The following EXD1 variants were observed in gnomAD, a reference collection of about 807,000 sequenced individuals.
EXD1 encodes the protein exonuclease 3'-5' domain containing 1, also known as piRNA biogenesis protein EXD1.
Under a neutral mutation model 49.1 loss-of-function variants are expected in EXD1, and 63 were observed. The ratio of observed to expected loss-of-function variants is 1.28; its 90% CI spans 1.05 to 1.58. EXD1 has a LOEUF of 1.58. Ranked by LOEUF, EXD1 falls within the 40% of genes most tolerant of loss-of-function variation. The pLI, the probability that EXD1 is intolerant of heterozygous loss-of-function variation, is 0.00. For missense variants in EXD1, 748 were observed against 666.0 expected (o/e 1.12, Z -1.36); for synonymous variants, 234 against 239.2 (o/e 0.98, Z 0.20).
At position 41,229,936 on chromosome 15, in the gene EXD1, G is replaced by T. The variant is rs544100051; in HGVS notation, c.-54+543C>A. Among the ~76,000 whole-genome samples, 6 of 152,152 alleles carry T rather than the reference G, an allele frequency of 3.9e-5. No homozygotes were observed. In the South Asian group the frequency reaches 1.2e-3, roughly 32 times the overall value. On this transcript the variant is annotated intron_variant, in intron 1 of 11. Coordinates refer to ENST00000458580, the MANE Select transcript of EXD1 (RefSeq NM_001286441.2). The stretch of plus-strand genomic sequence containing the variant: ...AGCCTGCTACGACAAAAATATCCTG[G>T]TACTTGGGTACTAACAGCAGTCAGA...
chr15:41,196,055 G>A lies in EXD1; in HGVS notation c.535-18C>T. 1.9e-6 allele frequency: 3 copies of A among 1,583,596 alleles called. No homozygotes were observed. Among genetic ancestry groups the A allele is most frequent in the Non-Finnish European group, 2.6e-6 (3 of 1,159,832 alleles). On this transcript the variant is annotated intron_variant, in intron 7 of 11. Coordinates refer to ENST00000458580, the MANE Select transcript of EXD1 (RefSeq NM_001286441.2). ...GTGGCCACCTACAATAGACCATCCA[G>A]ACACACATACCATAGGATAAGAAAG... is the stretch of plus-strand genomic sequence containing the variant.
chr15:41,186,095 G>A (rs986451161), intron 11 of EXD1, among the ~76,000 whole-genome samples: 1 of 152,036 alleles, frequency 6.6e-6, no homozygotes, highest in African/African-American at 2.4e-5. Flanking sequence ...CCTGATATTA[G>A]TGTTCTCAAA....
intron 1 of EXD1, among the ~76,000 whole-genome samples, chr15:41,229,139 C>T (rs16971693): frequency 0.29 from 44,271 of 152,012 alleles, 9,040 homozygotes; most frequent in African/African-American, 0.58. Context: ...TTACTGAGTA[C>T]AAAGGACAAC....
At chr15:41,195,716 C>A in intron 9 of EXD1, 59 bp downstream of exon 9, 1 of 1,334,700 alleles carries the variant, frequency 7.5e-7, no homozygotes, top group Non-Finnish European at 1.0e-6. Flanking sequence ...ACCAGATGAG[C>A]CCTTTTATCT....
intron 9 of EXD1, among the ~76,000 whole-genome samples, chr15:41,192,528 C>T (rs1228150149): frequency 6.7e-6 from 1 of 149,236 alleles, no homozygotes. Context: ...ATCTCTTGAC[C>T]TCGTGATCCG....
Position 41,226,590 on chromosome 15 carries a change from A to C in EXD1, c.-15T>G. 6.5e-7 allele frequency: 1 copy of C among 1,530,456 alleles called. No individual in the cohort carries two copies. The highest frequency in any genetic ancestry group is 1.2e-5 in the South Asian group (1 of 82,586). The allele number at this position is 1,530,456 out of a possible 1,614,324, so 94.8% of individuals were successfully genotyped here. ...CTGGGGTCCATGCTAATTGATTCCA[A>C]AAGCCGTCTTCAAATAATCTTCTTT... On this transcript the variant is annotated 5_prime_UTR_variant, in exon 2 of 12. Coordinates refer to ENST00000458580, the MANE Select transcript of EXD1 (RefSeq NM_001286441.2).
Position 41,230,648 on chromosome 15 carries a change from C to G in EXD1, c.-223G>C. ...AGAAGTCTCGGGACGCTCCACGCCA[C>G]CCGGCGGCGGTTATCAAATCACAGG... On this transcript the variant is annotated 5_prime_UTR_variant, in exon 1 of 12. Transcript: ENST00000458580. The G allele has an allele frequency of 7.8e-7, 1 of 1,282,608 alleles. No individual in the cohort carries two copies. The highest frequency in any genetic ancestry group is 1.1e-6 in the Non-Finnish European group (1 of 913,310). 79.5% of individuals were successfully genotyped at this position (1,282,608 alleles called of 1,614,324 possible).
In EXD1 at chr15:41,208,985, C is replaced by CT. The variant is rs200100560; in HGVS notation, c.534+515dup. 4.0e-3 allele frequency among the ~76,000 whole-genome samples: 513 copies of CT among 129,424 alleles called. 3 individuals are homozygous for CT. The highest frequency in any genetic ancestry group is 0.019 in the African/African-American group (487 of 25,602). The allele number at this position is 129,424 out of a possible 152,430, so 84.9% of individuals were successfully genotyped here. A position where few individuals can be genotyped will look rare whatever the true frequency, so the allele number is the denominator to read the frequency against. ...CAGCGAACCTATTCTTGCTACTGAGCTTAAAAAAAAAAACAAAGTGAATCT... is the reference window on the plus strand; with the variant it reads ...CAGCGAACCTATTCTTGCTACTGAGCTTTAAAAAAAAAAACAAAGTGAATCT... On this transcript the variant is annotated intron_variant, in intron 7 of 11. Transcript: ENST00000458580.
At chr15:41,224,706 C>A (rs576446481) in intron 2 of EXD1, among the ~76,000 whole-genome samples, 1 of 152,194 alleles carries the variant, frequency 6.6e-6, no homozygotes, top group Non-Finnish European at 1.5e-5. Context: ...CACCTATAAA[C>A]CTAGCATTTT....
At chr15:41,186,489 A>AAAAAAAAAAAAAC (rs2046410338) in intron 11 of EXD1, among the ~76,000 whole-genome samples, 1 of 143,310 alleles carries the variant, frequency 7.0e-6, no homozygotes, top group African/African-American at 2.5e-5. Context: ...AAAAAAAAAA[A>AAAAAAAAAAAAAC]TCAGAAAAAA....
chr15:41,222,151 A>C (rs1284720423), intron 2 of EXD1, among the ~76,000 whole-genome samples: 1 of 151,940 alleles, frequency 6.6e-6, no homozygotes, highest in African/African-American at 2.4e-5. Flanking sequence ...ACGGTGGCTC[A>C]TGCCTGTAAT....
At chr15:41,206,407 T>G (rs1285244764) in intron 7 of EXD1, among the ~76,000 whole-genome samples, 1 of 142,066 alleles carries the variant, frequency 7.0e-6, no homozygotes, top group African/African-American at 2.6e-5. Context: ...GAGGCAGAGA[T>G]GCAGTACAGT....
Position 41,185,108 on chromosome 15 carries a change from T to C in EXD1, c.1057-515A>G, listed in dbSNP as rs547972356. Among the ~76,000 whole-genome samples the C allele has an allele frequency of 1.1e-4, 16 of 152,328 alleles. No individual in the cohort carries two copies. In the South Asian group the frequency reaches 3.1e-3, roughly 30 times the overall value. On this transcript the variant is annotated intron_variant, in intron 11 of 11. Transcript: ENST00000458580. ...AAGGCAGTGAATCCATAGGGCTGTG[T>C]GTCTCTGTGTGTATGCACGTATGTA...
intron 9 of EXD1, among the ~76,000 whole-genome samples, chr15:41,192,669 C>T (rs969726736): frequency 2.9e-4 from 38 of 131,872 alleles, no homozygotes; most frequent in Admixed American, 5.2e-4. Flanking sequence ...GGATGGAGTA[C>T]AACGCCACAA....
intron 3 of EXD1, 147 bp from the exon 4 acceptor site, chr15:41,217,301 C>T (rs1180944826): frequency 4.7e-6 from 3 of 639,874 alleles, no homozygotes; most frequent in Non-Finnish European, 5.4e-6. Context: ...TACTGGCCAG[C>T]AATAAATACA....
In EXD1 at chr15:41,206,869, C is replaced by A. The variant is rs1281994065; in HGVS notation, c.534+2632G>T. 4.1e-5 allele frequency among the ~76,000 whole-genome samples: 6 copies of A among 147,560 alleles called. No individual in the cohort carries two copies. In the Admixed American group the frequency reaches 4.1e-4, roughly 10 times the overall value. On this transcript the variant is annotated intron_variant, in intron 7 of 11. Transcript: ENST00000458580. ...ACCCCTGACCTTGTGATCTGCCCAC[C>A]GTAGCCTCCCAAAGTGCTGGGATTA...
chr15:41,193,999 ATTTTTTTTTTTT>A (rs747194413), intron 9 of EXD1, among the ~76,000 whole-genome samples: 4 of 82,924 alleles, frequency 4.8e-5, no homozygotes, highest in East Asian at 4.0e-4. Flanking sequence ...ATGACAAGTG[ATTTTTTTTTTTT>A]TTTTTTTTTT....
chr15:41,204,090 C>CA (rs1189388713), intron 7 of EXD1, among the ~76,000 whole-genome samples: 5 of 148,270 alleles, frequency 3.4e-5, no homozygotes, highest in Non-Finnish European at 7.4e-5. Flanking sequence ...TACTAAAATA[C>CA]AAAAAAAATT....
chr15:41,197,151 C>A (rs1351304488), intron 7 of EXD1, among the ~76,000 whole-genome samples: 1 of 151,722 alleles, frequency 6.6e-6, no homozygotes, highest in Non-Finnish European at 1.5e-5. Flanking sequence ...ATGATAGGTA[C>A]TTGATTCTTA....
Sources: gnomAD v4.1 joint callset for allele counts (sites outside exome capture counted in the v4.1 genomes callset) on GRCh38, gnomAD v4.1.1 for gene constraint, MANE v1.5 for transcripts, NCBI Gene and HGNC (gene_info 2026-07-23, HGNC 2026-07-21) for gene names.